Variants in B3GALT1 observed in about 807,000 individuals in gnomAD.
B3GALT1 encodes the protein UDP-Gal:betaGlcNAc beta 1,3-galactosyltransferase, polypeptide 1.
A neutral mutation model predicts 23.2 loss-of-function variants in B3GALT1; 10 were observed. The observed-to-expected ratio is 0.43, with a 90% CI of 0.27 to 0.73. The LOEUF is 0.73. B3GALT1 is among the 30% of genes least tolerant of loss of function. The probability of loss-of-function intolerance (pLI) is 0.21; values close to 1 mark genes in which losing one functional copy is unlikely to be tolerated. For missense variants in B3GALT1, 299 were observed against 405.4 expected (o/e 0.74, Z 2.25); for synonymous variants, 156 against 141.5 (o/e 1.10, Z -0.73).
At chr2:167,349,782 T>C (rs1697281429) in intron 1 of B3GALT1, among the ~76,000 whole-genome samples, 1 of 152,152 alleles carries the variant, frequency 6.6e-6, no homozygotes, top group African/African-American at 2.4e-5. Flanking sequence ...TTGGAATGTA[T>C]GCCCCACAAA....
chr2:167,622,212 AT>A (rs1193161463), intron 2 of B3GALT1, among the ~76,000 whole-genome samples: 1 of 152,030 alleles, frequency 6.6e-6, no homozygotes, highest in East Asian at 1.9e-4. Context: ...TTAGCCAATG[AT>A]GATTATTTCA....
chr2:167,366,497 T>G (rs1035175930), intron 1 of B3GALT1, among the ~76,000 whole-genome samples: 2 of 152,288 alleles, frequency 1.3e-5, no homozygotes, highest in African/African-American at 4.8e-5. Context: ...TTATAAATGG[T>G]GAACCCACAT....
intron 3 of B3GALT1, among the ~76,000 whole-genome samples, chr2:167,799,636 A>G (rs555608374): frequency 6.6e-6 from 1 of 152,220 alleles, no homozygotes; most frequent in Non-Finnish European, 1.5e-5. Context: ...ACATATAAAC[A>G]GAGAGTTTGA....
intron 1 of B3GALT1, among the ~76,000 whole-genome samples, chr2:167,349,501 A>C (rs1697277756): frequency 6.6e-6 from 1 of 152,188 alleles, no homozygotes; most frequent in South Asian, 2.1e-4. Flanking sequence ...ACTTTAAATA[A>C]GGAAGGAAAA....
intron 3 of B3GALT1, among the ~76,000 whole-genome samples, chr2:167,653,410 C>T (rs1471702109): frequency 2.0e-5 from 3 of 152,140 alleles, no homozygotes; most frequent in African/African-American, 7.2e-5. Flanking sequence ...TAAAACTCAG[C>T]CGTGCCCATG....
At chr2:167,803,081 AACACACACAC>A (rs71940853) in intron 3 of B3GALT1, among the ~76,000 whole-genome samples, 13 of 141,376 alleles carry the variant, frequency 9.2e-5, no homozygotes, top group East Asian at 6.4e-4. Context: ...GACCCTAACA[AACACACACAC>A]ACACACACAC....
At chr2:167,663,109 CT>C in intron 3 of B3GALT1, among the ~76,000 whole-genome samples, 1 of 108,130 alleles carries the variant, frequency 9.2e-6, no homozygotes, top group Non-Finnish European at 1.8e-5. Flanking sequence ...TCCCTCCCCC[CT>C]CCCCCCACCC....
intron 3 of B3GALT1, among the ~76,000 whole-genome samples, chr2:167,659,904 A>T (rs1686026160): frequency 6.6e-6 from 1 of 152,044 alleles, no homozygotes; most frequent in Non-Finnish European, 1.5e-5. Flanking sequence ...ACTGTGTAGT[A>T]GTGATTATTT....
chr2:167,850,121 G>A (rs1689850148), intron 4 of B3GALT1, among the ~76,000 whole-genome samples: 1 of 152,174 alleles, frequency 6.6e-6, no homozygotes, highest in Non-Finnish European at 1.5e-5. Flanking sequence ...CACAGGGTGG[G>A]AGAAAATCTT....
intron 1 of B3GALT1, among the ~76,000 whole-genome samples, chr2:167,353,058 G>T (rs1399065564): frequency 6.6e-6 from 1 of 152,176 alleles, no homozygotes; most frequent in Non-Finnish European, 1.5e-5. Context: ...ACCTATCTCT[G>T]TATTGTAAGT....
At chr2:167,546,483 G>A (rs1178211288) in intron 2 of B3GALT1, among the ~76,000 whole-genome samples, 32 of 152,156 alleles carry the variant, frequency 2.1e-4, no homozygotes. Context: ...GCTGTGTGGT[G>A]ACCGAAGCCC....
At chr2:167,739,253 A>G (rs1687537999) in intron 3 of B3GALT1, among the ~76,000 whole-genome samples, 2 of 152,212 alleles carry the variant, frequency 1.3e-5, no homozygotes, top group Non-Finnish European at 2.9e-5. Flanking sequence ...TTTAAGACTC[A>G]CATGTAGCTC....
chr2:167,865,253 A>G (rs1183115711), intron 4 of B3GALT1, among the ~76,000 whole-genome samples: 2 of 151,984 alleles, frequency 1.3e-5, no homozygotes, highest in African/African-American at 4.8e-5. Context: ...TACTAAAAAT[A>G]CAAAAATTAG....
chr2:167,804,245 C>T (rs143120779), intron 3 of B3GALT1, among the ~76,000 whole-genome samples: 1,936 of 152,234 alleles, frequency 0.013, 58 homozygotes, highest in Admixed American at 0.064. Context: ...GAGCCTCGGC[C>T]GCCCAAAGTG....
intron 3 of B3GALT1, among the ~76,000 whole-genome samples, chr2:167,664,304 C>T (rs978342751): frequency 4.0e-5 from 6 of 151,548 alleles, no homozygotes; most frequent in Admixed American, 2.6e-4. Context: ...GGGCTCTGTT[C>T]TGTTCCATTG....
At chr2:167,831,101 A>C (rs772520142) in intron 4 of B3GALT1, among the ~76,000 whole-genome samples, 1 of 152,144 alleles carries the variant, frequency 6.6e-6, no homozygotes, top group Admixed American at 6.5e-5. Context: ...GTATTCATCA[A>C]CTCTTTGAAA....
intron 3 of B3GALT1, among the ~76,000 whole-genome samples, chr2:167,770,663 A>G (rs1177827704): frequency 1.3e-5 from 2 of 152,072 alleles, no homozygotes; most frequent in African/African-American, 4.8e-5. Flanking sequence ...AGATCATACT[A>G]TTTCCACTAA....
chr2:167,494,236 ATATT>A (rs1016677980), intron 2 of B3GALT1, among the ~76,000 whole-genome samples: 2 of 152,104 alleles, frequency 1.3e-5, no homozygotes, highest in Non-Finnish European at 2.9e-5. Flanking sequence ...AATAGAATAA[ATATT>A]TAATAAATAG....
At chr2:167,586,265 T>C (rs1684583452) in intron 2 of B3GALT1, among the ~76,000 whole-genome samples, 1 of 152,220 alleles carries the variant, frequency 6.6e-6, no homozygotes, top group South Asian at 2.1e-4. Flanking sequence ...GAGGCCTCCT[T>C]GGGGGCATTT....
Sources: allele counts gnomAD v4.1 joint callset (sites outside exome capture counted in the v4.1 genomes callset), GRCh38; gene constraint gnomAD v4.1.1; transcripts MANE v1.5; gene names NCBI Gene and HGNC (gene_info 2026-07-23, HGNC 2026-07-21).